The following PHF21A variants were observed in gnomAD, a reference collection of about 807,000 sequenced individuals.
The protein encoded by PHF21A is PHD finger protein 21A, also known as BHC80a.
PHF21A carries 11 observed loss-of-function variants against 82.5 expected under a neutral mutation model. The observed-to-expected ratio is 0.13, with a 90% CI of 0.08 to 0.22. The LOEUF (loss-of-function observed/expected upper bound fraction) is 0.22. Ranked by LOEUF, PHF21A falls within the 10% of genes least tolerant of loss-of-function variation. The pLI, the probability that PHF21A is intolerant of heterozygous loss-of-function variation, is 1.00. For missense variants in PHF21A, 579 were observed against 837.8 expected (o/e 0.69, Z 3.81); for synonymous variants, 297 against 302.8 (o/e 0.98, Z 0.20).
chr11:46,003,080 C>G (rs2095191840), intron 6 of PHF21A, among the ~76,000 whole-genome samples: 1 of 152,068 alleles, frequency 6.6e-6, no homozygotes, highest in Non-Finnish European at 1.5e-5. Flanking sequence ...CCAAATAGCA[C>G]AAACCCATTT....
intron 6 of PHF21A, among the ~76,000 whole-genome samples, chr11:45,994,408 A>AT (rs1331619260): frequency 6.6e-6 from 1 of 152,176 alleles, no homozygotes; most frequent in African/African-American, 2.4e-5. Flanking sequence ...CGGAAATACC[A>AT]TTACAAACCA....
chr11:46,042,216 A>T (rs780641317), intron 6 of PHF21A, among the ~76,000 whole-genome samples: 1 of 152,186 alleles, frequency 6.6e-6, no homozygotes, highest in African/African-American at 2.4e-5. Context: ...GCCTGTGGGA[A>T]AGCCACATGA....
At chr11:46,062,122 G>C (rs1274090160) in intron 6 of PHF21A, among the ~76,000 whole-genome samples, 2 of 151,622 alleles carry the variant, frequency 1.3e-5, no homozygotes, top group Non-Finnish European at 2.9e-5. Context: ...GAAGCTTTTA[G>C]GATCTTTTAT....
chr11:46,086,658 C>A (rs184484640), intron 3 of PHF21A, among the ~76,000 whole-genome samples: 31 of 152,324 alleles, frequency 2.0e-4, no homozygotes, highest in African/African-American at 7.5e-4. Flanking sequence ...TTACAAGGCT[C>A]TACCAGAAAA....
intron 6 of PHF21A, among the ~76,000 whole-genome samples, chr11:46,002,822 C>T (rs116196180): frequency 1.3e-3 from 200 of 151,274 alleles, no homozygotes; most frequent in African/African-American, 4.4e-3. Context: ...TCCCCAAGGC[C>T]GAAATTTGTA....
At chr11:46,099,244 A>G (rs1381922092) in intron 1 of PHF21A, among the ~76,000 whole-genome samples, 1 of 152,192 alleles carries the variant, frequency 6.6e-6, no homozygotes, top group Non-Finnish European at 1.5e-5. Flanking sequence ...ACACATGCAC[A>G]CAAAACAAAA....
intron 6 of PHF21A, among the ~76,000 whole-genome samples, chr11:46,038,877 G>A (rs2096068891): frequency 6.6e-6 from 1 of 152,152 alleles, no homozygotes; most frequent in South Asian, 2.1e-4. Flanking sequence ...ATCTTTCAGT[G>A]CTGCCACATT....
chr11:45,970,846 C>T, intron 8 of PHF21A: 1 of 442,480 alleles, frequency 2.3e-6, no homozygotes, highest in East Asian at 4.2e-5. Context: ...GTGTATGCCT[C>T]TGTGAAGGAG....
At chr11:46,043,494 G>C (rs2096194875) in intron 6 of PHF21A, among the ~76,000 whole-genome samples, 1 of 152,060 alleles carries the variant, frequency 6.6e-6, no homozygotes, top group South Asian at 2.1e-4. Flanking sequence ...CGGTCTATTA[G>C]TTATTAATAT....
At chr11:46,109,539 A>T (rs1593355533) in intron 1 of PHF21A, among the ~76,000 whole-genome samples, 1 of 139,424 alleles carries the variant, frequency 7.2e-6, no homozygotes, top group Non-Finnish European at 1.6e-5. Context: ...GTAAAATAAA[A>T]TTTTTAAAAC....
intron 6 of PHF21A, among the ~76,000 whole-genome samples, chr11:45,996,513 G>C (rs865878596): frequency 1.3e-5 from 2 of 148,890 alleles, no homozygotes; most frequent in Non-Finnish European, 3.0e-5. Flanking sequence ...TTGAGAGACA[G>C]AGAGAGAGAG....
chr11:46,032,511 A>C (rs983367354), intron 6 of PHF21A, among the ~76,000 whole-genome samples: 2 of 152,216 alleles, frequency 1.3e-5, no homozygotes, highest in African/African-American at 2.4e-5. Flanking sequence ...TATTTAAAAA[A>C]ACTGTAATGA....
chr11:46,078,923 A>C (rs2096759246), intron 5 of PHF21A, among the ~76,000 whole-genome samples: 1 of 152,154 alleles, frequency 6.6e-6, no homozygotes, highest in Non-Finnish European at 1.5e-5. Context: ...CCAAAATAAT[A>C]GTAACAAAGA....
At chr11:46,092,575 G>A (rs2096937853) in intron 1 of PHF21A, among the ~76,000 whole-genome samples, 2 of 152,064 alleles carry the variant, frequency 1.3e-5, no homozygotes, top group African/African-American at 4.8e-5. Flanking sequence ...ACTGTCAGTT[G>A]TTTTACATTA....
At chr11:46,113,421 A>T (rs2097247641) in intron 1 of PHF21A, among the ~76,000 whole-genome samples, 1 of 152,244 alleles carries the variant, frequency 6.6e-6, no homozygotes, top group Non-Finnish European at 1.5e-5. Flanking sequence ...GAAGCACAGA[A>T]AAAAATGCTG....
intron 6 of PHF21A, among the ~76,000 whole-genome samples, chr11:46,041,576 T>C (rs964255028): frequency 1.3e-5 from 2 of 152,174 alleles, no homozygotes; most frequent in Non-Finnish European, 2.9e-5. Context: ...TATTAAGTGA[T>C]GTATGTATGT....
At chr11:45,965,166 G>A (rs191966573) in intron 10 of PHF21A, 149 bp downstream of exon 10, 7 of 683,710 alleles carry the variant, frequency 1.0e-5, no homozygotes, top group Admixed American at 9.0e-5. Context: ...CCTTCTGCAC[G>A]TGGATGAATT....
intron 5 of PHF21A, among the ~76,000 whole-genome samples, chr11:46,077,155 C>T (rs892575955): frequency 1.3e-5 from 2 of 152,206 alleles, no homozygotes; most frequent in African/African-American, 4.8e-5. Context: ...CCCAAAGCTC[C>T]ACTAATCACA....
At chr11:45,937,444 C>G (rs2089351231) in intron 16 of PHF21A, among the ~76,000 whole-genome samples, 1 of 152,240 alleles carries the variant, frequency 6.6e-6, no homozygotes, top group Admixed American at 6.5e-5. Context: ...CCTGATATAA[C>G]AAAATAGGTT....
Sources: gnomAD v4.1 joint callset for allele counts (sites outside exome capture counted in the v4.1 genomes callset) on GRCh38, gnomAD v4.1.1 for gene constraint, MANE v1.5 for transcripts, NCBI Gene and HGNC (gene_info 2026-07-23, HGNC 2026-07-21) for gene names.